The following ANKIB1 variants were observed in gnomAD, a reference collection of about 807,000 sequenced individuals.
ANKIB1 encodes the protein ankyrin repeat and IBR domain-containing protein 1.
In ANKIB1, 43 loss-of-function variants were observed where a neutral mutation model predicts 122.1. The observed-to-expected ratio is 0.35, with a 90% CI of 0.28 to 0.45. ANKIB1 has a LOEUF of 0.45. Ranked by LOEUF, ANKIB1 falls within the 20% of genes least tolerant of loss-of-function variation. The probability of loss-of-function intolerance (pLI) is 1.00; values close to 1 mark genes in which losing one functional copy is unlikely to be tolerated. For synonymous variants in ANKIB1, 390 were observed against 442.0 expected (o/e 0.88, Z 1.48); for missense variants, 992 against 1,329.5 (o/e 0.75, Z 3.95).
At chr7:92,350,813 T>C in intron 7 of ANKIB1, 137 bp from the exon 8 acceptor site, 1 of 765,624 alleles carries the variant, frequency 1.3e-6, no homozygotes, top group Non-Finnish European at 2.0e-6. Context: ...TCTGTGATCG[T>C]GCCACTGCAC....
intron 2 of ANKIB1, among the ~76,000 whole-genome samples, chr7:92,303,969 G>A (rs1027043292): frequency 2.6e-5 from 4 of 152,034 alleles, no homozygotes; most frequent in Non-Finnish European, 2.9e-5. Context: ...AGGGTCACAT[G>A]AAAGGGATGG....
At chr7:92,297,880 A>G (rs1265991955) in intron 2 of ANKIB1, among the ~76,000 whole-genome samples, 4 of 152,104 alleles carry the variant, frequency 2.6e-5, no homozygotes, top group Admixed American at 6.6e-5. Context: ...TTGCCATTCA[A>G]ACTGGTTGAT....
At chr7:92,389,739 C>G (rs986144087) in intron 14 of ANKIB1, among the ~76,000 whole-genome samples, 1 of 152,114 alleles carries the variant, frequency 6.6e-6, no homozygotes. Context: ...CATCAGTGTT[C>G]CTGGGCTGCT....
chr7:92,363,007 GT>G (rs1429599527), intron 10 of ANKIB1, among the ~76,000 whole-genome samples: 1 of 151,152 alleles, frequency 6.6e-6, no homozygotes, highest in Non-Finnish European at 1.5e-5. Flanking sequence ...TATGACAACT[GT>G]TTTCTCTCAA....
At chr7:92,393,586 C>G (rs1397984227) in intron 17 of ANKIB1, among the ~76,000 whole-genome samples, 1 of 152,050 alleles carries the variant, frequency 6.6e-6, no homozygotes, top group East Asian at 1.9e-4. Context: ...AGTGTATTCA[C>G]AAGCATGTAT....
intron 8 of ANKIB1, among the ~76,000 whole-genome samples, chr7:92,351,708 CTTTTTTTTTTTGTTTTTT>C (rs1007508613): frequency 1.3e-4 from 17 of 135,524 alleles, no homozygotes; most frequent in Non-Finnish European, 2.1e-4. Context: ...ACAAGTCCTC[CTTTTTTTTTTTGTTTTTT>C]TTTTTTTTTT....
At chr7:92,303,207 A>G (rs1321926823) in intron 2 of ANKIB1, among the ~76,000 whole-genome samples, 2 of 152,146 alleles carry the variant, frequency 1.3e-5, no homozygotes, top group Admixed American at 1.3e-4. Context: ...GTGGGAATAA[A>G]TTGTTTCAGA....
chr7:92,290,449 T>C (rs1266593158), intron 1 of ANKIB1, among the ~76,000 whole-genome samples: 3 of 151,732 alleles, frequency 2.0e-5, no homozygotes, highest in Admixed American at 6.6e-5. Context: ...GTTTCTCTAC[T>C]GGCTACAGAG....
intron 3 of ANKIB1, among the ~76,000 whole-genome samples, chr7:92,310,323 T>C (rs1393152354): frequency 6.6e-6 from 1 of 152,124 alleles, no homozygotes; most frequent in Non-Finnish European, 1.5e-5. Flanking sequence ...TAAAACATTC[T>C]AAAAGGAGCC....
At chr7:92,343,277 T>A (rs1235228943) in intron 6 of ANKIB1, 45 bp downstream of exon 6, 1 of 1,495,252 alleles carries the variant, frequency 6.7e-7, no homozygotes, top group Non-Finnish European at 9.2e-7. Context: ...TTGTTTATAG[T>A]CTTTTAACAT....
chr7:92,352,371 T>C (rs1485419092), intron 8 of ANKIB1, 105 bp from the exon 9 acceptor site: 2 of 1,217,652 alleles, frequency 1.6e-6, no homozygotes, highest in African/African-American at 1.6e-5. Context: ...TATTTCACTC[T>C]TTTTCTTTCT....
chr7:92,392,003 A>G (rs1804797192), intron 16 of ANKIB1, among the ~76,000 whole-genome samples: 1 of 152,190 alleles, frequency 6.6e-6, no homozygotes, highest in Admixed American at 6.5e-5. Flanking sequence ...GAAGCATTAT[A>G]AAATACTTTG....
Position 92,391,216 on chromosome 7 carries a change from T to G in ANKIB1, c.2103T>G (p.Pro701=). ...ACCTTGCCCAGAAAGTCAATAGGCCTTACCTTCGCACACCCCGCCACAAGA... is the reference window on the plus strand; with the variant it reads ...ACCTTGCCCAGAAAGTCAATAGGCCGTACCTTCGCACACCCCGCCACAAGA... The part of the protein sequence containing the change: ...TEDLAQKVNR[P]YLRTPRHKII... Residue 701 remains proline, a synonymous_variant, in exon 16 of 20, where the codon CCT becomes CCG. Coordinates refer to ENST00000265742, the MANE Select transcript of ANKIB1 (RefSeq NM_019004.2). 6.2e-7 allele frequency: 1 copy of G among 1,613,410 alleles called. No homozygotes were observed. The highest frequency in any genetic ancestry group is 8.5e-7 in the Non-Finnish European group (1 of 1,179,590).
At chr7:92,249,027 A>G (rs1801264287) in intron 1 of ANKIB1, among the ~76,000 whole-genome samples, 1 of 151,652 alleles carries the variant, frequency 6.6e-6, no homozygotes, top group Non-Finnish European at 1.5e-5. Context: ...AGCTGGGACT[A>G]CAGGTGCCCG....
chr7:92,389,998 T>C lies in ANKIB1; in HGVS notation c.1934T>C (p.Phe645Ser), dbSNP rs140739631. ...GAAGGAGGCTGTCCAGATACCACTT[T>C]CATTGAAGATGCAGTTCATGTGCTC... Reference protein sequence around the residue: ...ETEGGCPDTTFIEDAVHVLLK... With the variant: ...ETEGGCPDTTSIEDAVHVLLK... The change falls in exon 15 of 20, where the codon TTC becomes TCC. Residue 645 changes from phenylalanine to serine, a missense_variant. By Grantham distance (155) the Phe-to-Ser change is radical (BLOSUM62 -2). Transcript: ENST00000265742. 6.2e-7 allele frequency: 1 copy of C among 1,600,992 alleles called. No individual in the cohort carries two copies. The highest frequency in any genetic ancestry group is 1.7e-5 in the Admixed American group (1 of 57,600).
intron 1 of ANKIB1, among the ~76,000 whole-genome samples, chr7:92,277,415 G>A (rs1801926339): frequency 6.6e-6 from 1 of 152,118 alleles, no homozygotes; most frequent in African/African-American, 2.4e-5. Context: ...ATTTACAGTG[G>A]CTTTATTCAG....
chr7:92,279,107 G>C (rs1049907726), intron 1 of ANKIB1, among the ~76,000 whole-genome samples: 1 of 152,176 alleles, frequency 6.6e-6, no homozygotes, highest in Non-Finnish European at 1.5e-5. Context: ...TCCTTTGTGT[G>C]TGCAGTTCAC....
Position 92,309,942 on chromosome 7 carries a change from A to AAAT in ANKIB1, c.486+2287_486+2288insATA, listed in dbSNP as rs1335765681. ...TCCATCTAAAAAAAAAAAAAAAAAAAATATATATATATATATATATAAATT... is the reference window on the plus strand; with the variant it reads ...TCCATCTAAAAAAAAAAAAAAAAAAAAATATATATATATATATATATATAAATT... On this transcript the variant is annotated intron_variant, in intron 3 of 19. Transcript: ENST00000265742. Among the ~76,000 whole-genome samples the AAAT allele has an allele frequency of 5.4e-3, 497 of 91,754 alleles. 18 individuals are homozygous for AAAT. In the East Asian group the frequency reaches 0.07, roughly 13 times the overall value. 60.2% of individuals were successfully genotyped at this position (91,754 alleles called of 152,430 possible).
At chr7:92,297,726 T>C (rs1802384949) in intron 2 of ANKIB1, among the ~76,000 whole-genome samples, 1 of 152,158 alleles carries the variant, frequency 6.6e-6, no homozygotes, top group Non-Finnish European at 1.5e-5. Flanking sequence ...TACTAAAGCA[T>C]AGCCTTTCAG....
Sources: allele counts gnomAD v4.1 joint callset (sites outside exome capture counted in the v4.1 genomes callset), GRCh38; gene constraint gnomAD v4.1.1; transcripts MANE v1.5; gene names NCBI Gene and HGNC (gene_info 2026-07-23, HGNC 2026-07-21).